The following SLC4A3 variants were observed in gnomAD, a reference collection of about 807,000 sequenced individuals.
SLC4A3 encodes the protein anion exchange protein 3.
A neutral mutation model predicts 114.2 loss-of-function variants in SLC4A3; 47 were observed. The observed-to-expected ratio is 0.41, with a 90% CI of 0.33 to 0.52. SLC4A3 has a LOEUF of 0.52. Ranked by LOEUF, SLC4A3 falls within the 20% of genes least tolerant of loss-of-function variation. The probability of loss-of-function intolerance (pLI) is 0.21; values close to 1 mark genes in which losing one functional copy is unlikely to be tolerated. For missense variants in SLC4A3, 1,312 were observed against 1,668.3 expected (o/e 0.79, Z 3.72); for synonymous variants, 693 against 710.3 (o/e 0.98, Z 0.39).
Position 219,641,569 on chromosome 2 carries a change from C to G in SLC4A3, c.3622-82C>G. ...AGGAAAGGTCAGGGAGCAGGGAGGG[C>G]TGCAGGTTGGAGGAGGAGCTGGAGA... On this transcript the variant is annotated intron_variant, in intron 22 of 22. Coordinates refer to ENST00000358055, the MANE Select transcript of SLC4A3 (RefSeq NM_005070.4). This position sits in a 1 kb window ranked among gnomAD's most constrained non-coding sequence, Gnocchi z 4.0. 1 of 1,111,844 alleles carries G rather than the reference C, an allele frequency of 9.0e-7. No homozygotes were observed. Among genetic ancestry groups the G allele is most frequent in the Non-Finnish European group, 1.4e-6 (1 of 731,506 alleles). 68.9% of individuals were successfully genotyped at this position (1,111,844 alleles called of 1,614,324 possible).
rs1472442486 is a variant in SLC4A3 at position 219,631,393 on chromosome 2, A to G, written c.812-575A>G. ...TTAGAGATGTTTGTGCTGGACTTTG[A>G]GGATGGTGACCTGTGGGAGTCCATC... is the stretch of plus-strand genomic sequence containing the variant. On this transcript the variant is annotated intron_variant, in intron 6 of 22. Transcript: ENST00000358055. This position sits in a 1 kb window ranked among gnomAD's most constrained non-coding sequence, Gnocchi z 6.3. The G allele has an allele frequency of 7.7e-7, 1 of 1,304,230 alleles. No homozygotes were observed. The highest frequency in any genetic ancestry group is 1.0e-6 in the Non-Finnish European group (1 of 988,936). The allele number at this position is 1,304,230 out of a possible 1,614,324, so 80.8% of individuals were successfully genotyped here.
In SLC4A3 at chr2:219,636,392, C is replaced by T. The variant is rs139445140; in HGVS notation, c.2282C>T (p.Pro761Leu). 1.1e-5 allele frequency: 18 copies of T among 1,613,258 alleles called. No homozygotes were observed. Among genetic ancestry groups the T allele is most frequent in the Non-Finnish European group, 1.4e-5 (17 of 1,179,782 alleles). Residue 761 changes from proline (P) to leucine (L), a missense_variant, in exon 15 of 23, where the codon CCG (proline) becomes CTG (leucine). Pro to Leu is a moderately conservative substitution (Grantham distance 98). This residue lies in a region of SLC4A3 where 771 missense variants were observed against 977.7 expected (regional missense o/e 0.79). Coordinates refer to ENST00000358055, the MANE Select transcript of SLC4A3 (RefSeq NM_005070.4). This position sits in a 1 kb window ranked among gnomAD's most constrained non-coding sequence, Gnocchi z 5.5. ...CTCTTCTCTCTGCTGGGAGCTCAGC[C>T]GCTGCTTGTGGTTGGCTTCTCTGGG... Reference protein sequence around the residue: ...GVLFSLLGAQPLLVVGFSGPL... With the variant: ...GVLFSLLGAQLLLVVGFSGPL...
rs539230170 is a variant in SLC4A3, at chr2:219,636,539, C to G, written c.2340+89C>G. ...CCCCACACTCTTCCTTACCTACATC[C>G]TGCCCCACACTCTTCCTTACCTAGG... On this transcript the variant is annotated intron_variant, in intron 15 of 22. Transcript: ENST00000358055. The surrounding 1 kb of genome is among the most constrained non-coding windows in gnomAD (Gnocchi z 5.5). 2.0e-6 allele frequency: 3 copies of G among 1,479,454 alleles called. 1 individual carries two copies. In the South Asian group the frequency reaches 4.0e-5, roughly 20 times the overall value. 91.6% of individuals were successfully genotyped at this position (1,479,454 alleles called of 1,614,324 possible). A position where few individuals can be genotyped will look rare whatever the true frequency, so the allele number is the denominator to read the frequency against.
In SLC4A3 at chr2:219,639,506, G is replaced by A; in HGVS notation, c.3048G>A (p.Arg1016=). ...GGCTTATCGTCAGCCAGAAGGCGCGGAGGCTGCTCAAGGGCTCCGGTTTCC... is the reference window on the plus strand; with the variant it reads ...GGCTTATCGTCAGCCAGAAGGCGCGAAGGCTGCTCAAGGGCTCCGGTTTCC... The part of the protein sequence containing the change: ...ITALIVSQKA[R]RLLKGSGFHL... The change falls in exon 20 of 23, where the codon CGG becomes CGA. Residue 1016 remains arginine (R), a synonymous_variant. Coordinates refer to ENST00000358055, the MANE Select transcript of SLC4A3 (RefSeq NM_005070.4). The surrounding 1 kb of genome is among the most constrained non-coding windows in gnomAD (Gnocchi z 5.9). 1.2e-6 allele frequency: 2 copies of A among 1,613,784 alleles called. No homozygotes were observed. The highest frequency in any genetic ancestry group is 1.7e-6 in the Non-Finnish European group (2 of 1,180,020).
At chr2:219,633,071 C>T (rs547004334) in intron 9 of SLC4A3, 62 bp downstream of exon 9, 1 of 1,586,236 alleles carries the variant, frequency 6.3e-7, no homozygotes, top group Admixed American at 1.7e-5. Context: ...GGAGCACATC[C>T]TCTTCCAAGT....
intron 12 of SLC4A3, 69 bp downstream of exon 12, chr2:219,634,673 C>A: frequency 6.6e-7 from 1 of 1,511,804 alleles, no homozygotes. Context: ...TCATTGTCCA[C>A]AGTGGTGCCC....
Position 219,641,797 on chromosome 2 carries a change from C to G in SLC4A3, c.*69C>G, listed in dbSNP as rs1022982926. 1.5e-6 allele frequency: 2 copies of G among 1,357,438 alleles called. No homozygotes were observed. The highest frequency in any genetic ancestry group is 2.1e-6 in the Non-Finnish European group (2 of 949,196). The allele number at this position is 1,357,438 out of a possible 1,614,324, so 84.1% of individuals were successfully genotyped here. On this transcript the variant is annotated 3_prime_UTR_variant, in exon 23 of 23. Transcript: ENST00000358055. The surrounding 1 kb of genome is among the most constrained non-coding windows in gnomAD (Gnocchi z 4.0). ...TTGACACCTGGGCCTCAGGCAGAGC[C>G]CAGCCCTGGGCTGGGGGGCTCCTCA... is the stretch of plus-strand genomic sequence containing the variant.
intron 10 of SLC4A3, 130 bp from the exon 11 acceptor site, chr2:219,633,750 C>A: frequency 7.2e-7 from 1 of 1,391,322 alleles, no homozygotes; most frequent in Non-Finnish European, 9.6e-7. Context: ...CAGTGTGGGG[C>A]CACAGTGCAG....
intron 11 of SLC4A3, 44 bp downstream of exon 11, chr2:219,634,023 G>T: frequency 6.7e-7 from 1 of 1,497,206 alleles, no homozygotes; most frequent in Non-Finnish European, 8.9e-7. Context: ...CAGTGTGTGT[G>T]TGCCTCTCCT....
In SLC4A3 at chr2:219,628,791, T is replaced by C; in HGVS notation, c.217+221T>C. 1 of 614,288 alleles carries C rather than the reference T, an allele frequency of 1.6e-6. No individual in the cohort carries two copies. Among genetic ancestry groups the C allele is most frequent in the Non-Finnish European group, 2.8e-6 (1 of 357,298 alleles). 38.1% of individuals were successfully genotyped at this position (614,288 alleles called of 1,614,324 possible). On this transcript the variant is annotated intron_variant, in intron 3 of 22. Coordinates refer to ENST00000358055, the MANE Select transcript of SLC4A3 (RefSeq NM_005070.4). The surrounding 1 kb of genome is among the most constrained non-coding windows in gnomAD (Gnocchi z 4.8). ...GGTGGGCCCCAGACCAGGGGAGATC[T>C]AGGGAGCTGGGCCTGGGCCCTTCCA...
Position 219,631,007 on chromosome 2 carries a change from C to T in SLC4A3, c.811+655C>T. Reference sequence around the variant, plus strand: ...GCCTGAGGACAGGGACAGGAACAATCCGATGGCAGCAGTAGCAGCAGGATG... The same window carrying T: ...GCCTGAGGACAGGGACAGGAACAATTCGATGGCAGCAGTAGCAGCAGGATG... On this transcript the variant is annotated intron_variant, in intron 6 of 22. Transcript: ENST00000358055. This position sits in a 1 kb window ranked among gnomAD's most constrained non-coding sequence, Gnocchi z 6.3. 1.7e-6 allele frequency: 1 copy of T among 603,498 alleles called. No individual in the cohort carries two copies. The highest frequency in any genetic ancestry group is 2.2e-6 in the Non-Finnish European group (1 of 453,108). The allele number at this position is 603,498 out of a possible 1,614,324, so 37.4% of individuals were successfully genotyped here. A position where few individuals can be genotyped will look rare whatever the true frequency, so the allele number is the denominator to read the frequency against.
At chr2:219,629,785 A>T in intron 5 of SLC4A3, 90 bp downstream of exon 5, 1 of 585,146 alleles carries the variant, frequency 1.7e-6, no homozygotes, top group Non-Finnish European at 2.7e-6. Flanking sequence ...GACCCTGGGG[A>T]GTGTCCCCAG....
Position 219,634,555 on chromosome 2 carries a change from C to T in SLC4A3, c.1697C>T (p.Thr566Ile), listed in dbSNP as rs1699052321. 1 of 1,614,246 alleles carries T rather than the reference C, an allele frequency of 6.2e-7. No individual in the cohort carries two copies. The highest frequency in any genetic ancestry group is 8.5e-7 in the Non-Finnish European group (1 of 1,180,042). Reference sequence around the variant, plus strand: ...ATGCTGGGGCCCAGCCACACCAGCACTGACTATCACGAGCTTGGGCGCTCC... The same window carrying T: ...ATGCTGGGGCCCAGCCACACCAGCATTGACTATCACGAGCTTGGGCGCTCC... ...FVMLGPSHTS[T>I]DYHELGRSIA... Residue 566 changes from threonine (T) to isoleucine (I), a missense_variant, in exon 12 of 23, where the codon ACT (threonine) becomes ATT (isoleucine). Coordinates refer to ENST00000358055, the MANE Select transcript of SLC4A3 (RefSeq NM_005070.4).
In SLC4A3 at chr2:219,631,822, C is replaced by A; in HGVS notation, c.812-146C>A. ...TCAGTCTTCTTATCAATGAAATGGC[C>A]ACATGGGATTATGTGGTTCCCGTCG... On this transcript the variant is annotated intron_variant, in intron 6 of 22. Transcript: ENST00000358055. The surrounding 1 kb of genome is among the most constrained non-coding windows in gnomAD (Gnocchi z 6.3). 1.1e-6 allele frequency: 1 copy of A among 878,914 alleles called. No homozygotes were observed. The highest frequency in any genetic ancestry group is 1.8e-6 in the Non-Finnish European group (1 of 569,338). 54.4% of individuals were successfully genotyped at this position (878,914 alleles called of 1,614,324 possible). A position where few individuals can be genotyped will look rare whatever the true frequency, so the allele number is the denominator to read the frequency against.
rs747189327 is a variant in SLC4A3, at chr2:219,639,702, C to T, written c.3244C>T (p.Arg1082Trp). Residue 1082 changes from arginine to tryptophan, a missense_variant, in exon 20 of 23, where the codon CGG becomes TGG. By Grantham distance (101) the Arg-to-Trp change is moderately radical. This residue lies in a region of SLC4A3 where 301 missense variants were observed against 460.7 expected (regional missense o/e 0.65). Coordinates refer to ENST00000358055, the MANE Select transcript of SLC4A3 (RefSeq NM_005070.4). The surrounding 1 kb of genome is among the most constrained non-coding windows in gnomAD (Gnocchi z 5.9). ...CCAGATCCAGGAGGTGCGGGAGCAG[C>T]GGGTCACTGGTGTGCTCATCGCCAG... Reference protein sequence around the residue: ...KPQIQEVREQRVTGVLIASLV... With the variant: ...KPQIQEVREQWVTGVLIASLV... 1.2e-5 allele frequency: 19 copies of T among 1,610,638 alleles called. No homozygotes were observed. The highest frequency in any genetic ancestry group is 6.7e-5 in the East Asian group (3 of 44,892).
Position 219,641,904 on chromosome 2 carries a change from GCCTCA to G in SLC4A3, c.*180_*184del, listed in dbSNP as rs1559208454. 1 of 590,732 alleles carries G rather than the reference GCCTCA, an allele frequency of 1.7e-6. No homozygotes were observed. 36.6% of individuals were successfully genotyped at this position (590,732 alleles called of 1,614,324 possible). A position where few individuals can be genotyped will look rare whatever the true frequency, so the allele number is the denominator to read the frequency against. ...GACTTCTGCCCGGGGTGTTGACCTC[GCCTCA>G]CCTTTCACAGACCAGACCGGCACAG... On this transcript the variant is annotated 3_prime_UTR_variant, in exon 23 of 23. Transcript: ENST00000358055. This position sits in a 1 kb window ranked among gnomAD's most constrained non-coding sequence, Gnocchi z 4.0.
chr2:219,628,997 TG>T lies in SLC4A3; in HGVS notation c.218-145del. Reference sequence around the variant, plus strand: ...CCAGACCTCATCAATGACAGGCACGTGGACACAGGTGTTGGGGGGTCATGGC... The same window carrying T: ...CCAGACCTCATCAATGACAGGCACGTGACACAGGTGTTGGGGGGTCATGGC... On this transcript the variant is annotated intron_variant, in intron 3 of 22. Transcript: ENST00000358055. The surrounding 1 kb of genome is among the most constrained non-coding windows in gnomAD (Gnocchi z 4.8). 1.1e-6 allele frequency: 1 copy of T among 946,888 alleles called. No individual in the cohort carries two copies. Among genetic ancestry groups the T allele is most frequent in the Non-Finnish European group, 1.5e-6 (1 of 658,306 alleles). 58.7% of individuals were successfully genotyped at this position (946,888 alleles called of 1,614,324 possible).
chr2:219,630,992 AG>A lies in SLC4A3; in HGVS notation c.811+643del. The stretch of plus-strand genomic sequence containing the variant: ...TGGAAAGTTGCCAGGGCCTGAGGAC[AG>A]GGACAGGAACAATCCGATGGCAGCA... On this transcript the variant is annotated intron_variant, in intron 6 of 22. Transcript: ENST00000358055. This position sits in a 1 kb window ranked among gnomAD's most constrained non-coding sequence, Gnocchi z 6.9. The A allele has an allele frequency of 2.3e-6, 1 of 435,380 alleles. No homozygotes were observed. The highest frequency in any genetic ancestry group is 3.1e-6 in the Non-Finnish European group (1 of 318,168). 27.0% of individuals were successfully genotyped at this position (435,380 alleles called of 1,614,324 possible).
In SLC4A3 at chr2:219,629,389, C is replaced by T. The variant is rs1427737800; in HGVS notation, c.463C>T (p.Pro155Ser). 6.3e-7 allele frequency: 1 copy of T among 1,587,004 alleles called. No homozygotes were observed. Among genetic ancestry groups the T allele is most frequent in the Non-Finnish European group, 8.6e-7 (1 of 1,166,462 alleles). ...AGAATCTGAGGCAGAACCTGTGGAG[C>T]CCCCCCACTCAGGGACCCCACAGAA... ...EGESEAEPVE[P>S]PHSGTPQKAK... Residue 155 changes from proline (P) to serine (S), a missense_variant, in exon 4 of 23, where the codon CCC becomes TCC. Physicochemically the swap from Pro to Ser is moderately conservative, Grantham distance 74. Around this residue, in one of 4 missense-constraint regions of SLC4A3, gnomAD observed 236 missense variants for 212.1 expected, o/e 1.11. Coordinates refer to ENST00000358055, the MANE Select transcript of SLC4A3 (RefSeq NM_005070.4).
Sources: allele counts gnomAD v4.1 joint callset, GRCh38; gene constraint gnomAD v4.1.1; regional missense constraint gnomAD v4.1.1; non-coding constraint Gnocchi (gnomAD v3.1); transcripts MANE v1.5; gene names NCBI Gene and HGNC (gene_info 2026-07-23, HGNC 2026-07-21).